Variants in LRRC37A observed in about 807,000 individuals in gnomAD.
LRRC37A encodes leucine-rich repeat-containing protein 37A.
In LRRC37A, 3 loss-of-function variants were observed where a neutral mutation model predicts 35.4. The observed-to-expected ratio is 0.08, with a 90% CI of 0.04 to 0.22. The LOEUF is 0.22. Ranked by LOEUF, LRRC37A falls within the 10% of genes least tolerant of loss-of-function variation. The pLI is 1.00. For missense variants in LRRC37A, 67 were observed against 565.3 expected (o/e 0.12, Z 8.94); for synonymous variants, 23 against 215.0 (o/e 0.11, Z 7.81).
the LRRC37A span, among the ~76,000 whole-genome samples, chr17:46,276,298 C>G: frequency 2.0e-5 from 3 of 152,312 alleles, no homozygotes; most frequent in Admixed American, 1.3e-4. Context: ...CAGATAAATA[C>G]AGTATTCCAA....
At chr17:46,275,696 G>A in the LRRC37A span, among the ~76,000 whole-genome samples, 10 of 152,232 alleles carry the variant, frequency 6.6e-5, no homozygotes, top group Non-Finnish European at 1.3e-4. Flanking sequence ...TCAGGCAACT[G>A]GACAAATAGA....
chr17:46,273,250 T>C, the LRRC37A span, among the ~76,000 whole-genome samples: 1 of 152,254 alleles, frequency 6.6e-6, no homozygotes, highest in Non-Finnish European at 1.5e-5. Context: ...GCATACAATA[T>C]GTAACTTTTT....
At chr17:46,287,565 T>C in the LRRC37A span, among the ~76,000 whole-genome samples, 3 of 152,284 alleles carry the variant, frequency 2.0e-5, no homozygotes, top group African/African-American at 7.2e-5. Context: ...TCTACCAGGT[T>C]TTCTGAATAA....
chr17:46,256,774 G>A, the LRRC37A span, among the ~76,000 whole-genome samples: 5 of 152,256 alleles, frequency 3.3e-5, no homozygotes, highest in East Asian at 9.7e-4. Flanking sequence ...TAATGGAAAA[G>A]TAGAGCAACC....
the LRRC37A span, among the ~76,000 whole-genome samples, chr17:46,286,209 G>A: frequency 2.6e-5 from 4 of 152,242 alleles, no homozygotes; most frequent in African/African-American, 9.7e-5. Flanking sequence ...TAGTATTGTG[G>A]TTTTAATACT....
chr17:46,291,353 G>C (rs1268495169), upstream of LRRC37A, among the ~76,000 whole-genome samples: 1 of 151,946 alleles, frequency 6.6e-6, no homozygotes, highest in Non-Finnish European at 1.5e-5. Context: ...AATCTCAATG[G>C]AACAGACACA....
chr17:46,324,630 T>G (rs2051618009), intron 7 of LRRC37A, among the ~76,000 whole-genome samples: 1 of 55,570 alleles, frequency 1.8e-5, no homozygotes, highest in African/African-American at 4.3e-5. Flanking sequence ...ATTACAGGCA[T>G]GAGACACCGT....
the LRRC37A span, among the ~76,000 whole-genome samples, chr17:46,265,258 CTT>C: frequency 6.8e-4 from 10 of 14,626 alleles, no homozygotes; most frequent in African/African-American, 1.2e-3. Flanking sequence ...TCTTCTTCTT[CTT>C]CTTCTTCTTC....
In LRRC37A at chr17:46,311,084, A is replaced by T. The variant is rs1229081504; in HGVS notation, c.2906+4775A>T. 796 of 226,900 alleles carry T rather than the reference A, an allele frequency of 3.5e-3. 51 individuals are homozygous for T. Among genetic ancestry groups the T allele is most frequent in the African/African-American group, 0.033 (712 of 21,620 alleles). The allele number at this position is 226,900 out of a possible 1,614,324, so 14.1% of individuals were successfully genotyped here. A position where few individuals can be genotyped will look rare whatever the true frequency, so the allele number is the denominator to read the frequency against. On this transcript the variant is annotated intron_variant, in intron 5 of 13. Coordinates refer to ENST00000320254, the Ensembl canonical transcript of LRRC37A. ...GAGGTGGAGTTTGCAGTGAGCCAAG[A>T]TCACACCACTGCACTGCACTCCAGC...
At chr17:46,279,503 T>TC in the LRRC37A span, among the ~76,000 whole-genome samples, 1,097 of 103,934 alleles carry the variant, frequency 0.011, 2 homozygotes, top group South Asian at 0.017. Flanking sequence ...TTTCTTTCTT[T>TC]TTTTTTTTTT....
At chr17:46,253,183 C>A in the LRRC37A span, among the ~76,000 whole-genome samples, 1 of 147,934 alleles carries the variant, frequency 6.8e-6, no homozygotes, top group African/African-American at 2.4e-5. Context: ...TCCTCACATC[C>A]CAGACGGGGC....
chr17:46,267,050 C>T, the LRRC37A span: 2 of 254,798 alleles, frequency 7.8e-6, no homozygotes, highest in Non-Finnish European at 7.0e-6. Flanking sequence ...CAGATTCGGC[C>T]TCAGTCAGCC....
At chr17:46,322,578 G>A (rs2051452570) in intron 6 of LRRC37A, among the ~76,000 whole-genome samples, 185 bp downstream of exon 6, 2 of 59,782 alleles carry the variant, frequency 3.3e-5, no homozygotes, top group Middle Eastern at 9.8e-3. Flanking sequence ...CAGCCAGCAG[G>A]GGAAGAGAAC....
the LRRC37A span, among the ~76,000 whole-genome samples, chr17:46,250,114 T>C: frequency 1.8e-3 from 279 of 152,254 alleles, no homozygotes; most frequent in Non-Finnish European, 2.8e-3. Flanking sequence ...GTATATTTAG[T>C]AGAGACTGGT....
At chr17:46,256,912 T>TAG in the LRRC37A span, among the ~76,000 whole-genome samples, 2 of 152,366 alleles carry the variant, frequency 1.3e-5, no homozygotes, top group African/African-American at 4.8e-5. Flanking sequence ...ATTATCAACT[T>TAG]AGACTTCATC....
chr17:46,293,843 C>T (rs1192223613), upstream of LRRC37A: 1 of 330,320 alleles, frequency 3.0e-6, no homozygotes, highest in African/African-American at 2.1e-5. Context: ...ATAACGATAG[C>T]TCCATCCCTA....
the LRRC37A span, among the ~76,000 whole-genome samples, chr17:46,271,434 G>A: frequency 6.8e-6 from 1 of 147,930 alleles, no homozygotes; most frequent in East Asian, 2.0e-4. Context: ...CACCTGCCTT[G>A]GCCTCCCAAA....
chr17:46,267,353 T>G, the LRRC37A span: 9 of 1,572,076 alleles, frequency 5.7e-6, no homozygotes, highest in Non-Finnish European at 6.9e-6. Flanking sequence ...GACGTGGACG[T>G]GCTGGGCGCG....
At chr17:46,327,118 T>C (rs1470447162) in intron 7 of LRRC37A, among the ~76,000 whole-genome samples, 2 of 86,448 alleles carry the variant, frequency 2.3e-5, no homozygotes, top group Admixed American at 1.2e-4. Flanking sequence ...GTCTTGTAAA[T>C]TGTCCCACAA....
Sources: allele counts gnomAD v4.1 joint callset (sites outside exome capture counted in the v4.1 genomes callset), GRCh38; gene constraint gnomAD v4.1.1; transcripts MANE v1.5; gene names NCBI Gene and HGNC (gene_info 2026-07-23, HGNC 2026-07-21).